Variants in SORCS3 observed in about 807,000 individuals in gnomAD.
The protein encoded by SORCS3 is sortilin related VPS10 domain containing receptor 3.
Under a neutral mutation model 146.3 loss-of-function variants are expected in SORCS3, and 57 were observed. The ratio of observed to expected loss-of-function variants is 0.39; its 90% CI spans 0.31 to 0.49. The LOEUF is 0.49. SORCS3 is among the 20% of genes least tolerant of loss of function. The probability of loss-of-function intolerance (pLI) is 0.92; values close to 1 mark genes in which losing one functional copy is unlikely to be tolerated. For synonymous variants in SORCS3, 653 were observed against 618.5 expected (o/e 1.06, Z -0.83); for missense variants, 1,341 against 1,575.5 (o/e 0.85, Z 2.52).
At chr10:105,173,792 T>C (rs1157721226) in intron 13 of SORCS3, among the ~76,000 whole-genome samples, 1 of 152,240 alleles carries the variant, frequency 6.6e-6, no homozygotes, top group Non-Finnish European at 1.5e-5. Flanking sequence ...CTTTCTGTTC[T>C]TCTCACAGGG....
At chr10:104,842,704 A>C (rs542194751) in intron 1 of SORCS3, 88 bp from the exon 2 acceptor site, 5 of 989,524 alleles carry the variant, frequency 5.1e-6, no homozygotes, top group Admixed American at 3.5e-5. Flanking sequence ...TAGGAGATGC[A>C]TTATATATTG....
At chr10:105,091,022 G>A (rs2055698239) in intron 6 of SORCS3, among the ~76,000 whole-genome samples, 1 of 152,070 alleles carries the variant, frequency 6.6e-6, no homozygotes, top group African/African-American at 2.4e-5. Flanking sequence ...AAAAGAGTTA[G>A]AAGGTAATCA....
At chr10:105,179,726 A>T (rs193086678) in intron 14 of SORCS3, among the ~76,000 whole-genome samples, 2 of 152,320 alleles carry the variant, frequency 1.3e-5, no homozygotes, top group Admixed American at 6.5e-5. Context: ...TCTATTCTAA[A>T]TTTGAAAATG....
intron 4 of SORCS3, among the ~76,000 whole-genome samples, chr10:104,993,347 C>T (rs1182462338): frequency 6.6e-6 from 1 of 152,164 alleles, no homozygotes; most frequent in Admixed American, 6.5e-5. Flanking sequence ...CTCGTGCCTC[C>T]CTTGGCTGCT....
chr10:105,004,113 T>G (rs575015444), intron 4 of SORCS3, among the ~76,000 whole-genome samples: 1 of 151,998 alleles, frequency 6.6e-6, no homozygotes, highest in Non-Finnish European at 1.5e-5. Flanking sequence ...TTTATGGGAC[T>G]GTGGGTGGCT....
chr10:105,262,571 A>G (rs1277511592), intron 26 of SORCS3, 80 bp downstream of exon 26: 1 of 1,429,208 alleles, frequency 7.0e-7, no homozygotes, highest in Non-Finnish European at 9.5e-7. Flanking sequence ...CCCATACATT[A>G]CTGGACTGGA....
At chr10:104,792,292 T>C (rs908379223) in intron 1 of SORCS3, among the ~76,000 whole-genome samples, 1 of 152,170 alleles carries the variant, frequency 6.6e-6, no homozygotes, top group African/African-American at 2.4e-5. Context: ...GCAGTAGGGC[T>C]TGGTAGGGAG....
chr10:104,909,146 A>G (rs1053134733), intron 2 of SORCS3, among the ~76,000 whole-genome samples: 2 of 152,088 alleles, frequency 1.3e-5, no homozygotes, highest in African/African-American at 2.4e-5. Context: ...TCATTTTGCT[A>G]TTGTGCTTGG....
intron 5 of SORCS3, among the ~76,000 whole-genome samples, chr10:105,064,912 A>G (rs140694789): frequency 6.6e-6 from 1 of 152,326 alleles, no homozygotes; most frequent in East Asian, 1.9e-4. Context: ...TAGTTTACCA[A>G]TTCTCTAGGT....
At chr10:105,166,838 A>C (rs1171821780) in intron 12 of SORCS3, among the ~76,000 whole-genome samples, 1 of 152,204 alleles carries the variant, frequency 6.6e-6, no homozygotes, top group Non-Finnish European at 1.5e-5. Flanking sequence ...CAACACTATA[A>C]AACACAGACT....
chr10:104,684,218 G>A (rs1187613516), intron 1 of SORCS3, among the ~76,000 whole-genome samples: 1 of 152,174 alleles, frequency 6.6e-6, no homozygotes, highest in African/African-American at 2.4e-5. Context: ...AACCCAGGAA[G>A]CATGGTACCA....
chr10:104,642,022 G>GGGGGGGGGGGGGGGGGGGGCCCCC, intron 1 of SORCS3, 68 bp downstream of exon 1: 10 of 173,328 alleles, frequency 5.8e-5, no homozygotes, highest in African/African-American at 8.8e-5. Context: ...GGGTGGGTGG[G>GGGGGGGGGGGGGGGGGGGGCCCCC]AGCGAGGGAC....
chr10:104,827,276 G>A (rs1200748994), intron 1 of SORCS3, among the ~76,000 whole-genome samples: 5 of 152,048 alleles, frequency 3.3e-5, no homozygotes, highest in Non-Finnish European at 7.4e-5. Context: ...ACTGTTTATG[G>A]CAACATAGTT....
At chr10:104,731,543 C>T (rs1308665837) in intron 1 of SORCS3, among the ~76,000 whole-genome samples, 2 of 152,176 alleles carry the variant, frequency 1.3e-5, no homozygotes, top group East Asian at 3.9e-4. Context: ...TCTTGGGAGG[C>T]TCAGTTTCCC....
chr10:105,263,780 A>G lies in SORCS3; in HGVS notation c.*406A>G, dbSNP rs953738304. 3 of 165,686 alleles carry G rather than the reference A, an allele frequency of 1.8e-5. No homozygotes were observed. Among genetic ancestry groups the G allele is most frequent in the Admixed American group, 1.8e-4 (3 of 16,674 alleles). 10.3% of individuals were successfully genotyped at this position (165,686 alleles called of 1,614,324 possible). ...AGCACACACACATACAACACAGATCATTTCCCAGTTAGATCCGCAGGAAGT... is the reference window on the plus strand; with the variant it reads ...AGCACACACACATACAACACAGATCGTTTCCCAGTTAGATCCGCAGGAAGT... On this transcript the variant is annotated 3_prime_UTR_variant, in exon 27 of 27. Transcript: ENST00000369701.
chr10:104,858,162 G>A (rs2018355656), intron 2 of SORCS3, among the ~76,000 whole-genome samples: 4 of 152,076 alleles, frequency 2.6e-5, no homozygotes, highest in Admixed American at 2.6e-4. Flanking sequence ...AATAAAAAAT[G>A]TTTTTCCAAA....
intron 1 of SORCS3, among the ~76,000 whole-genome samples, chr10:104,773,735 G>A (rs1049951815): frequency 6.6e-6 from 1 of 152,212 alleles, no homozygotes; most frequent in African/African-American, 2.4e-5. Context: ...ATGTACATGA[G>A]AAAGAAGTGA....
intron 5 of SORCS3, among the ~76,000 whole-genome samples, chr10:105,072,737 A>G (rs1443380089): frequency 7.4e-6 from 1 of 134,564 alleles, no homozygotes; most frequent in Non-Finnish European, 1.5e-5. Context: ...GGATCTGGCA[A>G]TTTTGCCTGT....
intron 14 of SORCS3, among the ~76,000 whole-genome samples, chr10:105,179,622 G>C (rs968693664): frequency 1.3e-5 from 2 of 152,132 alleles, no homozygotes; most frequent in African/African-American, 2.4e-5. Context: ...GTTAAATTCA[G>C]AGTTTCTTTT....
Sources: allele counts gnomAD v4.1 joint callset (sites outside exome capture counted in the v4.1 genomes callset), GRCh38; gene constraint gnomAD v4.1.1; transcripts MANE v1.5; gene names NCBI Gene and HGNC (gene_info 2026-07-23, HGNC 2026-07-21).